Variants in PAIP2B observed in about 807,000 individuals in gnomAD.
PAIP2B encodes the protein polyadenylate-binding protein-interacting protein 2B.
Under a neutral mutation model 17.0 loss-of-function variants are expected in PAIP2B, and 13 were observed. That is an observed-to-expected ratio of 0.76 (90% CI 0.50 to 1.22). PAIP2B has a LOEUF of 1.22. PAIP2B is among the 50% of genes most tolerant of loss of function. PAIP2B has a pLI of 0.00. For synonymous variants in PAIP2B, 43 were observed against 48.7 expected (o/e 0.88, Z 0.48); for missense variants, 117 against 144.5 (o/e 0.81, Z 0.98).
At chr2:71,215,492 T>C (rs1272216858) in intron 1 of PAIP2B, among the ~76,000 whole-genome samples, 1 of 152,168 alleles carries the variant, frequency 6.6e-6, no homozygotes, top group Non-Finnish European at 1.5e-5. Flanking sequence ...CTACCCTTCT[T>C]CACTCAAACT....
In PAIP2B at chr2:71,187,687, G is replaced by A. The variant is rs945456663; in HGVS notation, c.*792C>T. On this transcript the variant is annotated 3_prime_UTR_variant, in exon 4 of 4. Coordinates refer to ENST00000244221, the MANE Select transcript of PAIP2B (RefSeq NM_020459.1). ...GTATCTTTTCTTAAAAAGGAGGCTGGGGAATAGACTTCATGAAAGATGAGG... is the reference window on the plus strand; with the variant it reads ...GTATCTTTTCTTAAAAAGGAGGCTGAGGAATAGACTTCATGAAAGATGAGG... 1 of 152,130 alleles carries A rather than the reference G, an allele frequency of 6.6e-6. No individual in the cohort carries two copies. Among genetic ancestry groups the A allele is most frequent in the African/African-American group, 2.4e-5 (1 of 41,422 alleles). 9.4% of individuals were successfully genotyped at this position (152,130 alleles called of 1,614,324 possible). A position where few individuals can be genotyped will look rare whatever the true frequency, so the allele number is the denominator to read the frequency against.
intron 1 of PAIP2B, among the ~76,000 whole-genome samples, chr2:71,210,799 C>G (rs893988331): frequency 2.0e-5 from 3 of 152,072 alleles, no homozygotes; most frequent in African/African-American, 7.2e-5. Context: ...CTATACTGAC[C>G]TATAAGTTTG....
chr2:71,212,496 T>A (rs1220086279), intron 1 of PAIP2B, among the ~76,000 whole-genome samples: 1 of 152,180 alleles, frequency 6.6e-6, no homozygotes, highest in Non-Finnish European at 1.5e-5. Context: ...CCCATGCCCT[T>A]AGGGGTTAGG....
chr2:71,225,908 C>T (rs1205745238), intron 1 of PAIP2B, among the ~76,000 whole-genome samples: 1 of 152,214 alleles, frequency 6.6e-6, no homozygotes, highest in Non-Finnish European at 1.5e-5. Context: ...TCGAATCACA[C>T]TGTGCTGTAC....
intron 2 of PAIP2B, among the ~76,000 whole-genome samples, chr2:71,200,101 G>A (rs77643040): frequency 0.015 from 2,284 of 152,242 alleles, 50 homozygotes; most frequent in African/African-American, 0.051. Flanking sequence ...GGGGTTGTAA[G>A]CTGTTTTCAT....
intron 1 of PAIP2B, among the ~76,000 whole-genome samples, chr2:71,217,679 A>G (rs1053430784): frequency 2.0e-5 from 3 of 152,234 alleles, no homozygotes; most frequent in African/African-American, 7.2e-5. Context: ...ATTAAAAACA[A>G]AAGTCCTCAA....
chr2:71,215,487 C>T (rs1260028467), intron 1 of PAIP2B, among the ~76,000 whole-genome samples: 1 of 152,188 alleles, frequency 6.6e-6, no homozygotes, highest in South Asian at 2.1e-4. Flanking sequence ...TAGTTCTACC[C>T]TTCTTCACTC....
intron 2 of PAIP2B, among the ~76,000 whole-genome samples, chr2:71,194,720 C>G (rs761228044): frequency 6.6e-6 from 1 of 151,848 alleles, no homozygotes; most frequent in Non-Finnish European, 1.5e-5. Flanking sequence ...ATTTGGATGC[C>G]CTTTATCTTG....
At chr2:71,192,536 C>T (rs1425214182) in intron 2 of PAIP2B, among the ~76,000 whole-genome samples, 1 of 151,990 alleles carries the variant, frequency 6.6e-6, no homozygotes, top group Non-Finnish European at 1.5e-5. Flanking sequence ...ATTATCATAT[C>T]ACCAGGTATT....
At chr2:71,192,027 T>C (rs1333099562) in intron 2 of PAIP2B, among the ~76,000 whole-genome samples, 1 of 150,926 alleles carries the variant, frequency 6.6e-6, no homozygotes, top group Non-Finnish European at 1.5e-5. Context: ...ATAGCTGCTG[T>C]TTCCCACAAA....
At chr2:71,226,657 G>T (rs1675737821) in intron 1 of PAIP2B, among the ~76,000 whole-genome samples, 1 of 152,122 alleles carries the variant, frequency 6.6e-6, no homozygotes, top group South Asian at 2.1e-4. Flanking sequence ...GGGAGTCGGG[G>T]GGAAACAGAG....
Position 71,226,937 on chromosome 2 carries a change from C to T in PAIP2B, c.-21G>A, listed in dbSNP as rs946922299. The T allele has an allele frequency of 4.6e-5, 7 of 152,730 alleles. No individual in the cohort carries two copies. Among genetic ancestry groups the T allele is most frequent in the Admixed American group, 1.3e-4 (2 of 15,294 alleles). 9.5% of individuals were successfully genotyped at this position (152,730 alleles called of 1,614,324 possible). A position where few individuals can be genotyped will look rare whatever the true frequency, so the allele number is the denominator to read the frequency against. ...GGGCACCCGAGCCCACCTGGGCTAACCAGAAGCCCCTCCTTCAGATCGTAC... is the reference window on the plus strand; with the variant it reads ...GGGCACCCGAGCCCACCTGGGCTAATCAGAAGCCCCTCCTTCAGATCGTAC... On this transcript the variant is annotated 5_prime_UTR_variant, in exon 1 of 4. Coordinates refer to ENST00000244221, the MANE Select transcript of PAIP2B (RefSeq NM_020459.1).
At chr2:71,208,148 G>A (rs964057379) in intron 1 of PAIP2B, among the ~76,000 whole-genome samples, 1 of 152,136 alleles carries the variant, frequency 6.6e-6, no homozygotes. Flanking sequence ...TAGAAGCCGG[G>A]CACTGTGGCT....
At chr2:71,219,518 T>C (rs1401592285) in intron 1 of PAIP2B, among the ~76,000 whole-genome samples, 1 of 152,136 alleles carries the variant, frequency 6.6e-6, no homozygotes, top group Non-Finnish European at 1.5e-5. Context: ...TTTTAAAATA[T>C]ATGAAATTGA....
chr2:71,188,380 AC>A lies in PAIP2B; in HGVS notation c.*98del. 1.1e-6 allele frequency: 1 copy of A among 946,220 alleles called. No homozygotes were observed. Among genetic ancestry groups the A allele is most frequent in the Non-Finnish European group, 1.6e-6 (1 of 607,100 alleles). 58.6% of individuals were successfully genotyped at this position (946,220 alleles called of 1,614,324 possible). A position where few individuals can be genotyped will look rare whatever the true frequency, so the allele number is the denominator to read the frequency against. On this transcript the variant is annotated 3_prime_UTR_variant, in exon 4 of 4. Transcript: ENST00000244221. ...ACCACCACTCCCCTTCCCGCTGTGC[AC>A]CCCTCGCCCGCCCCATCCCCCTCTT...
intron 1 of PAIP2B, among the ~76,000 whole-genome samples, chr2:71,219,219 C>T (rs769163156): frequency 1.6e-4 from 25 of 151,664 alleles, no homozygotes; most frequent in Non-Finnish European, 2.4e-4. Context: ...CGTGAGCCAC[C>T]GCGCCCAGCC....
intron 1 of PAIP2B, among the ~76,000 whole-genome samples, chr2:71,215,545 G>T (rs1572936560): frequency 6.6e-6 from 1 of 152,334 alleles, no homozygotes; most frequent in Admixed American, 6.5e-5. Context: ...ATGTTTCCAA[G>T]TAAGGAATCT....
intron 1 of PAIP2B, among the ~76,000 whole-genome samples, chr2:71,225,826 G>T (rs1331371463): frequency 6.6e-6 from 1 of 152,190 alleles, no homozygotes; most frequent in African/African-American, 2.4e-5. Flanking sequence ...CTATGAAGGT[G>T]AAAAGGGAAC....
intron 2 of PAIP2B, 146 bp from the exon 3 acceptor site, chr2:71,190,167 C>A: frequency 1.2e-6 from 1 of 852,834 alleles, no homozygotes; most frequent in East Asian, 2.8e-5. Flanking sequence ...CAACTGTAAT[C>A]CCAGCAGTTT....
Sources: allele counts gnomAD v4.1 joint callset (sites outside exome capture counted in the v4.1 genomes callset), GRCh38; gene constraint gnomAD v4.1.1; transcripts MANE v1.5; gene names NCBI Gene and HGNC (gene_info 2026-07-23, HGNC 2026-07-21).